SULF1: variants seen among roughly 807,000 people sequenced by gnomAD.
SULF1 encodes the protein sulfatase 1, also known as extracellular sulfatase Sulf-1.
Under a neutral mutation model 110.5 loss-of-function variants are expected in SULF1, and 46 were observed. That is an observed-to-expected ratio of 0.42 (90% CI 0.33 to 0.53). The LOEUF (loss-of-function observed/expected upper bound fraction) is 0.53, where lower values mean the gene tolerates loss of function less well. SULF1 is among the 20% of genes least tolerant of loss of function. The probability of loss-of-function intolerance (pLI) is 0.12; values close to 1 mark genes in which losing one functional copy is unlikely to be tolerated. For synonymous variants in SULF1, 371 were observed against 387.1 expected (o/e 0.96, Z 0.49); for missense variants, 941 against 1,094.2 (o/e 0.86, Z 1.98).
chr8:69,564,174 A>T lies in SULF1; in HGVS notation c.172+27A>T, dbSNP rs1364880901. 8 of 1,611,990 alleles carry T rather than the reference A, an allele frequency of 5.0e-6. No homozygotes were observed. In the South Asian group the frequency reaches 8.8e-5, roughly 18 times the overall value. On this transcript the variant is annotated intron_variant, in intron 5 of 22. Coordinates refer to ENST00000402687, the MANE Select transcript of SULF1 (RefSeq NM_001128205.2). The stretch of plus-strand genomic sequence containing the variant: ...TGAGACACTGGACTCTTCACTTGTT[A>T]GTCTCTTTTGTTCAGATGATTTCTC...
chr8:69,608,552 G>A (rs1224325614), intron 13 of SULF1, among the ~76,000 whole-genome samples: 4 of 152,132 alleles, frequency 2.6e-5, no homozygotes, highest in Non-Finnish European at 4.4e-5. Context: ...AGGCGTGGTG[G>A]TGGGCACCTG....
At chr8:69,645,816 A>T (rs1337488178) in intron 22 of SULF1, among the ~76,000 whole-genome samples, 3 of 152,188 alleles carry the variant, frequency 2.0e-5, no homozygotes, top group Non-Finnish European at 4.4e-5. Flanking sequence ...AGTGTGTTAT[A>T]TGGAGAATGA....
At chr8:69,483,289 C>T (rs61262449) in intron 1 of SULF1, among the ~76,000 whole-genome samples, 3,295 of 152,140 alleles carry the variant, frequency 0.022, 120 homozygotes, top group African/African-American at 0.076. Context: ...TATTAATAAC[C>T]TTTATTTATA....
intron 6 of SULF1, 64 bp downstream of exon 6, chr8:69,576,273 TCATGTAATGAAATG>T: frequency 6.5e-7 from 1 of 1,538,974 alleles, no homozygotes. Flanking sequence ...GGAAGAAGTG[TCATGTAATGAAATG>T]CATGAAGTTC....
chr8:69,578,173 G>C (rs916143267), intron 6 of SULF1, among the ~76,000 whole-genome samples: 1 of 152,116 alleles, frequency 6.6e-6, no homozygotes, highest in Non-Finnish European at 1.5e-5. Flanking sequence ...CATGTTTCCT[G>C]GTACTTGCTT....
intron 3 of SULF1, among the ~76,000 whole-genome samples, chr8:69,504,530 G>A (rs961337750): frequency 3.3e-5 from 5 of 152,082 alleles, no homozygotes; most frequent in Non-Finnish European, 7.4e-5. Context: ...ACTCCAGCCT[G>A]GGCAACAGAG....
intron 3 of SULF1, among the ~76,000 whole-genome samples, chr8:69,507,846 A>G (rs1811300994): frequency 6.6e-6 from 1 of 152,162 alleles, no homozygotes; most frequent in Non-Finnish European, 1.5e-5. Flanking sequence ...ATTACAGTGG[A>G]AATTCATATT....
intron 13 of SULF1, 115 bp from the exon 14 acceptor site, chr8:69,620,920 A>G (rs977729206): frequency 1.3e-6 from 1 of 756,244 alleles, no homozygotes; most frequent in African/African-American, 1.8e-5. Context: ...ACTCTCCTTA[A>G]TGATATTGCC....
chr8:69,552,961 G>A (rs1343796285), intron 3 of SULF1, among the ~76,000 whole-genome samples: 1 of 152,212 alleles, frequency 6.6e-6, no homozygotes, highest in Non-Finnish European at 1.5e-5. Context: ...GTGGCCTAGT[G>A]AGTCCCTTGT....
At chr8:69,590,330 T>G (rs1414246091) in intron 8 of SULF1, among the ~76,000 whole-genome samples, 2 of 151,974 alleles carry the variant, frequency 1.3e-5, no homozygotes. Context: ...CCTGGCTAAT[T>G]TTTTGTATTT....
At chr8:69,473,971 G>A (rs1468412727) in intron 1 of SULF1, among the ~76,000 whole-genome samples, 2 of 152,102 alleles carry the variant, frequency 1.3e-5, no homozygotes, top group African/African-American at 4.8e-5. Context: ...AAGAACTCAG[G>A]AAAATCTCCT....
chr8:69,482,557 A>G (rs907054900), intron 1 of SULF1, among the ~76,000 whole-genome samples: 1 of 151,938 alleles, frequency 6.6e-6, no homozygotes, highest in Non-Finnish European at 1.5e-5. Context: ...ATATATATAT[A>G]TAATTTTATA....
chr8:69,569,700 G>A (rs1311579864), intron 5 of SULF1, among the ~76,000 whole-genome samples: 1 of 152,164 alleles, frequency 6.6e-6, no homozygotes, highest in Non-Finnish European at 1.5e-5. Flanking sequence ...AGCCCTGTAG[G>A]CATGTTAACT....
chr8:69,634,760 A>G (rs1341984254), intron 19 of SULF1, among the ~76,000 whole-genome samples: 1 of 152,006 alleles, frequency 6.6e-6, no homozygotes, highest in Non-Finnish European at 1.5e-5. Context: ...AAAGAGAGAG[A>G]GGCGGAGAGA....
intron 3 of SULF1, among the ~76,000 whole-genome samples, chr8:69,506,259 C>A (rs935577197): frequency 1.3e-5 from 2 of 151,862 alleles, no homozygotes; most frequent in Non-Finnish European, 2.9e-5. Context: ...CACACACACA[C>A]AATCAATACC....
intron 3 of SULF1, among the ~76,000 whole-genome samples, chr8:69,533,001 A>T (rs4737982): frequency 4.6e-5 from 7 of 152,188 alleles, no homozygotes; most frequent in African/African-American, 7.2e-5. Flanking sequence ...TACTAATATC[A>T]AGACAAACAA....
intron 1 of SULF1, among the ~76,000 whole-genome samples, chr8:69,493,561 C>A (rs1810099568): frequency 6.6e-6 from 1 of 152,020 alleles, no homozygotes; most frequent in South Asian, 2.1e-4. Context: ...CCACTTTGGT[C>A]TTCAGTTTCT....
chr8:69,508,169 G>A (rs1439124960), intron 3 of SULF1, among the ~76,000 whole-genome samples: 1 of 151,562 alleles, frequency 6.6e-6, no homozygotes, highest in Non-Finnish European at 1.5e-5. Context: ...GCAATGGCAC[G>A]ATGTCAGCTC....
At chr8:69,577,141 G>C (rs947913599) in intron 6 of SULF1, among the ~76,000 whole-genome samples, 2 of 152,158 alleles carry the variant, frequency 1.3e-5, no homozygotes, top group Non-Finnish European at 2.9e-5. Flanking sequence ...TCAAAGTCTC[G>C]ACTCGAAGCA....
Sources: gnomAD v4.1 joint callset for allele counts (sites outside exome capture counted in the v4.1 genomes callset) on GRCh38, gnomAD v4.1.1 for gene constraint, MANE v1.5 for transcripts, NCBI Gene and HGNC (gene_info 2026-07-23, HGNC 2026-07-21) for gene names.